ZNF782: variants seen among roughly 807,000 people sequenced by gnomAD.
The protein encoded by ZNF782 is zinc finger protein 782.
In ZNF782, 12 loss-of-function variants were observed where a neutral mutation model predicts 13.0. That is an observed-to-expected ratio of 0.92 (90% CI 0.59 to 1.50). The LOEUF is 1.50. ZNF782 is among the 40% of genes most tolerant of loss of function. The pLI is 0.00. For synonymous variants in ZNF782, 284 were observed against 283.0 expected, an observed-to-expected ratio of 1.00 and a Z score of -0.04; for missense variants, 770 against 822.9, an observed-to-expected ratio of 0.94 and a Z score of 0.79.
At chr9:96,855,482 C>T (rs183803096), upstream of ZNF782, among the ~76,000 whole-genome samples, 86 of 152,122 alleles carry the variant, frequency 5.7e-4, no homozygotes, top group African/African-American at 2.0e-3. Flanking sequence ...TAGCTTAGCT[C>T]CCACTTATGA....
At chr9:96,852,250 A>C (rs935715322) in intron 2 of ZNF782, among the ~76,000 whole-genome samples, 1 of 152,262 alleles carries the variant, frequency 6.6e-6, no homozygotes, top group African/African-American at 2.4e-5. Flanking sequence ...AATTGATTTA[A>C]CAATGCACAT....
rs537594674 is a variant in ZNF782 at position 96,821,047 on chromosome 9, T to C, written c.245-1269A>G. Among the ~76,000 whole-genome samples, 3 of 152,338 alleles carry C rather than the reference T, an allele frequency of 2.0e-5. No individual in the cohort carries two copies. The South Asian group carries it at 6.2e-4, about 32-fold the overall frequency. On this transcript the variant is annotated intron_variant, in intron 5 of 5. Transcript: ENST00000481138. Reference sequence around the variant, plus strand: ...CCTGGACTTAGAAACTTTACACATATCCTTTATATTTATTTATCATAGATT... The same window carrying C: ...CCTGGACTTAGAAACTTTACACATACCCTTTATATTTATTTATCATAGATT...
the ZNF782 span, chr9:96,931,829 C>A: frequency 6.2e-7 from 1 of 1,612,306 alleles, no homozygotes; most frequent in South Asian, 1.1e-5. Context: ...ACACAGGCCG[C>A]CCCTCGTGAC....
chr9:96,860,851 C>T (rs978306052), intron 2 of ZNF782, among the ~76,000 whole-genome samples: 8 of 152,312 alleles, frequency 5.3e-5, no homozygotes, highest in East Asian at 3.9e-4. Context: ...ATGACAGTCT[C>T]GCCAATAAGT....
intron 4 of ZNF782, among the ~76,000 whole-genome samples, chr9:96,844,502 T>A (rs191157484): frequency 1.3e-5 from 2 of 152,320 alleles, no homozygotes; most frequent in Non-Finnish European, 2.9e-5. Context: ...TAATTTATGA[T>A]TCCATTTATA....
Position 96,817,522 on chromosome 9 carries a change from T to C in ZNF782, c.*401A>G, listed in dbSNP as rs1000430445. The C allele has an allele frequency of 6.1e-6, 1 of 162,984 alleles. No individual in the cohort carries two copies. Among genetic ancestry groups the C allele is most frequent in the African/African-American group, 2.4e-5 (1 of 41,822 alleles). 10.1% of individuals were successfully genotyped at this position (162,984 alleles called of 1,614,324 possible). Reference sequence around the variant, plus strand: ...TAAAGTTTATCACACACTTATTATATTCTAGCTTTTGTCATTGTGTGATTT... The same window carrying C: ...TAAAGTTTATCACACACTTATTATACTCTAGCTTTTGTCATTGTGTGATTT... On this transcript the variant is annotated 3_prime_UTR_variant, in exon 6 of 6. Transcript: ENST00000481138.
At position 96,818,044 on chromosome 9, in the gene ZNF782, T is replaced by TTGGATTTCTGAC. The variant is rs781688734; in HGVS notation, c.1967_1978dup (p.Ser656_Ser659dup). 6.2e-7 allele frequency: 1 copy of TTGGATTTCTGAC among 1,607,536 alleles called. No individual in the cohort carries two copies. The highest frequency in any genetic ancestry group is 1.1e-5 in the South Asian group (1 of 89,782). On this transcript the variant is annotated inframe_insertion, in exon 6 of 6. Transcript: ENST00000481138. ...GTGAGTTCTCTGATGTACTCTGAGA[T>TTGGATTTCTGAC]TGGATTTCTGACTGAAAGCTTCCCC...
At chr9:96,875,741 C>A (rs1588178827), upstream of ZNF782, 1 of 379,458 alleles carries the variant, frequency 2.6e-6, no homozygotes, top group Non-Finnish European at 5.2e-6. Context: ...ATCACAAGCC[C>A]CATTCTCACT....
upstream of ZNF782, among the ~76,000 whole-genome samples, chr9:96,855,023 T>C (rs1851621159): frequency 6.6e-6 from 1 of 152,204 alleles, no homozygotes; most frequent in South Asian, 2.1e-4. Flanking sequence ...CCACCTTGTC[T>C]CTTTACAGCC....
chr9:96,906,258 G>A, the ZNF782 span, among the ~76,000 whole-genome samples: 3 of 151,230 alleles, frequency 2.0e-5, no homozygotes, highest in South Asian at 2.1e-4. Flanking sequence ...GACACCAGAC[G>A]TGTATGGGGT....
intron 4 of ZNF782, among the ~76,000 whole-genome samples, chr9:96,839,719 G>T (rs1294621675): frequency 6.6e-6 from 1 of 151,170 alleles, no homozygotes; most frequent in Admixed American, 6.6e-5. Flanking sequence ...TTTCATTTTT[G>T]CAAATATCAA....
In ZNF782 at chr9:96,818,382, T is replaced by C. The variant is rs1488006336; in HGVS notation, c.1641A>G (p.Ser547=). 2 of 1,614,200 alleles carry C rather than the reference T, an allele frequency of 1.2e-6. No homozygotes were observed. The highest frequency in any genetic ancestry group is 1.7e-6 in the Non-Finnish European group (2 of 1,180,020). The change falls in exon 6 of 6, where the codon TCA becomes TCG. Residue 547 remains serine, a synonymous_variant. Transcript: ENST00000481138. The part of the protein sequence containing the change: ...NQCGKAFGQK[S]QLRGHHRIHT... ...GAATTCTATGATGTCCTCTGAGTTG[T>C]GATTTCTGACCGAAAGCTTTTCCAC... is the stretch of plus-strand genomic sequence containing the variant.
At chr9:96,925,213 G>C in the ZNF782 span, among the ~76,000 whole-genome samples, 1 of 152,094 alleles carries the variant, frequency 6.6e-6, no homozygotes, top group Non-Finnish European at 1.5e-5. Context: ...ACAGGCGCGC[G>C]GGGCAGGCGT....
the ZNF782 span, among the ~76,000 whole-genome samples, chr9:96,907,641 G>T: frequency 7.7e-6 from 1 of 129,558 alleles, no homozygotes; most frequent in Admixed American, 7.0e-5. Flanking sequence ...GTGTCTTTTT[G>T]TGTGTGTGTG....
the ZNF782 span, among the ~76,000 whole-genome samples, chr9:96,885,684 C>T: frequency 4.6e-5 from 7 of 151,510 alleles, no homozygotes; most frequent in Admixed American, 4.6e-4. Context: ...GATGCCAAGA[C>T]ACATAATAAT....
At chr9:96,858,537 G>T (rs182424136), upstream of ZNF782, among the ~76,000 whole-genome samples, 52 of 152,294 alleles carry the variant, frequency 3.4e-4, no homozygotes, top group Admixed American at 8.5e-4. This position sits in a 1 kb window ranked among gnomAD's most constrained non-coding sequence, Gnocchi z 4.4. Flanking sequence ...TAAAGGGAAG[G>T]GCCTTGGAGC....
chr9:96,887,210 A>G, the ZNF782 span, among the ~76,000 whole-genome samples: 1 of 150,810 alleles, frequency 6.6e-6, no homozygotes, highest in Non-Finnish European at 1.5e-5. Flanking sequence ...GCTACTCGGG[A>G]GGCTGAGGCA....
At chr9:96,860,145 AGCCCTGGCTCTCAGAC>A (rs1851686956) in intron 3 of ZNF782, 1 of 152,146 alleles carries the variant, frequency 6.6e-6, no homozygotes, top group Non-Finnish European at 1.5e-5. Flanking sequence ...TATGACTGAG[AGCCCTGGCTCTCAGAC>A]AGCACCTTTG....
chr9:96,901,601 A>T, the ZNF782 span, among the ~76,000 whole-genome samples: 1 of 152,046 alleles, frequency 6.6e-6, no homozygotes, highest in Non-Finnish European at 1.5e-5. Context: ...AAGGTTTTTT[A>T]AGGTTCCTAG....
Sources: allele counts gnomAD v4.1 joint callset (sites outside exome capture counted in the v4.1 genomes callset), GRCh38; gene constraint gnomAD v4.1.1; non-coding constraint Gnocchi (gnomAD v3.1); transcripts MANE v1.5; gene names NCBI Gene and HGNC (gene_info 2026-07-23, HGNC 2026-07-21).